Variants in DCDC1 observed in about 807,000 individuals in gnomAD.
The protein encoded by DCDC1 is doublecortin domain containing 1.
A neutral mutation model predicts 178.3 loss-of-function variants in DCDC1; 200 were observed. That is an observed-to-expected ratio of 1.12 (90% CI 1.00 to 1.26). The LOEUF (loss-of-function observed/expected upper bound fraction) is 1.26. Ranked by LOEUF, DCDC1 falls within the 50% of genes most tolerant of loss-of-function variation. The pLI is 0.00. For synonymous variants in DCDC1, 690 were observed against 604.8 expected (o/e 1.14, Z -2.07); for missense variants, 1,983 against 1,749.2 (o/e 1.13, Z -2.38).
chr11:31,025,821 C>G (rs2135239338), intron 20 of DCDC1, among the ~76,000 whole-genome samples: 1 of 151,812 alleles, frequency 6.6e-6, no homozygotes, highest in East Asian at 1.9e-4. Context: ...AAGCATTCAT[C>G]TCACAGATGA....
At chr11:31,166,471 A>C (rs1009330136) in intron 9 of DCDC1, among the ~76,000 whole-genome samples, 1 of 152,228 alleles carries the variant, frequency 6.6e-6, no homozygotes, top group Admixed American at 6.5e-5. Flanking sequence ...AATATTTACA[A>C]GGTTGGGGAA....
chr11:30,880,798 C>T (rs146331969), intron 37 of DCDC1, among the ~76,000 whole-genome samples: 6 of 152,074 alleles, frequency 3.9e-5, no homozygotes, highest in Non-Finnish European at 7.4e-5. Flanking sequence ...CACATAATTA[C>T]TATTAATAAA....
chr11:31,331,191 T>C (rs924740304), intron 2 of DCDC1, among the ~76,000 whole-genome samples: 7 of 151,786 alleles, frequency 4.6e-5, no homozygotes, highest in South Asian at 2.1e-4. Flanking sequence ...CTCTTTGTTA[T>C]TGGTGTATAA....
chr11:31,077,872 T>G lies in DCDC1; in HGVS notation c.2291A>C (p.Tyr764Ser). The G allele has an allele frequency of 1.3e-6, 1 of 766,228 alleles. No homozygotes were observed. The highest frequency in any genetic ancestry group is 2.4e-6 in the Non-Finnish European group (1 of 417,758). The allele number at this position is 766,228 out of a possible 1,614,324, so 47.5% of individuals were successfully genotyped here. ...GGATTATAAAGTCCTTACCTTTGAA[T>G]AAATGCAACCATCAGTTCCAAACAC... is the stretch of plus-strand genomic sequence containing the variant. ...KWVFGTDGCI[Y>S]SKAYPQFVLT... The change falls in exon 18 of 39, where the codon TAT becomes TCT. Residue 764 changes from tyrosine (Y) to serine (S), a missense_variant. By Grantham distance (144) the Tyr-to-Ser change is moderately radical. Transcript: ENST00000684477.
chr11:31,188,229 A>C (rs1969736432), intron 9 of DCDC1, among the ~76,000 whole-genome samples: 1 of 152,172 alleles, frequency 6.6e-6, no homozygotes, highest in African/African-American at 2.4e-5. Flanking sequence ...CTACAACAAC[A>C]GAGATAGTAA....
At chr11:30,956,222 G>T (rs960851219) in intron 20 of DCDC1, among the ~76,000 whole-genome samples, 5 of 152,084 alleles carry the variant, frequency 3.3e-5, no homozygotes, top group African/African-American at 4.8e-5. Flanking sequence ...TTTTTATTGA[G>T]ATGGGGTGTA....
At chr11:31,286,018 A>G (rs1374308313) in intron 7 of DCDC1, among the ~76,000 whole-genome samples, 2 of 152,148 alleles carry the variant, frequency 1.3e-5, no homozygotes, top group African/African-American at 4.8e-5. Flanking sequence ...TGAGAAGTAC[A>G]GGAGAACAAG....
chr11:30,873,360 T>TAC (rs1318294592), intron 38 of DCDC1, among the ~76,000 whole-genome samples: 1 of 138,660 alleles, frequency 7.2e-6, no homozygotes, highest in South Asian at 2.3e-4. Context: ...TATATATATA[T>TAC]ATATAGAGAG....
chr11:30,941,104 C>G (rs1462783402), intron 21 of DCDC1, among the ~76,000 whole-genome samples: 1 of 152,122 alleles, frequency 6.6e-6, no homozygotes, highest in African/African-American at 2.4e-5. Flanking sequence ...TAGACTATAT[C>G]AAGGACCCTA....
At chr11:31,090,571 G>T (rs1368327384) in intron 17 of DCDC1, among the ~76,000 whole-genome samples, 3 of 152,158 alleles carry the variant, frequency 2.0e-5, no homozygotes, top group Non-Finnish European at 4.4e-5. Context: ...GTTAGAGTAA[G>T]CAGTGCAGAC....
At chr11:31,222,686 CT>C (rs1362294117) in intron 9 of DCDC1, among the ~76,000 whole-genome samples, 1 of 152,156 alleles carries the variant, frequency 6.6e-6, no homozygotes, top group African/African-American at 2.4e-5. Flanking sequence ...TGAGGAGTCT[CT>C]GAGGGCTCTC....
At chr11:31,130,839 G>T (rs891490682) in intron 10 of DCDC1, among the ~76,000 whole-genome samples, 1 of 152,056 alleles carries the variant, frequency 6.6e-6, no homozygotes, top group Non-Finnish European at 1.5e-5. Context: ...ACAATACAGG[G>T]AGGTCAGGAG....
chr11:31,073,085 T>C (rs558630591), intron 18 of DCDC1, among the ~76,000 whole-genome samples: 2 of 152,290 alleles, frequency 1.3e-5, no homozygotes, highest in Non-Finnish European at 2.9e-5. Flanking sequence ...GTTTTGAATA[T>C]GACTAAATTT....
At chr11:31,218,960 C>T (rs1254025898) in intron 9 of DCDC1, among the ~76,000 whole-genome samples, 2 of 152,094 alleles carry the variant, frequency 1.3e-5, no homozygotes, top group Non-Finnish European at 2.9e-5. Flanking sequence ...AGTAATGAGG[C>T]TGATTCTCAT....
chr11:30,895,519 A>G (rs750396689), intron 34 of DCDC1, among the ~76,000 whole-genome samples: 9 of 152,200 alleles, frequency 5.9e-5, no homozygotes, highest in Non-Finnish European at 1.0e-4. Context: ...CATGACTCAA[A>G]CAAAACTGAA....
intron 20 of DCDC1, among the ~76,000 whole-genome samples, chr11:30,967,771 A>C (rs1032987963): frequency 1.3e-5 from 2 of 152,180 alleles, no homozygotes; most frequent in African/African-American, 4.8e-5. Context: ...AAGTCTATAG[A>C]TAGTCTATTA....
At chr11:31,056,243 C>G (rs183380631) in intron 20 of DCDC1, among the ~76,000 whole-genome samples, 2 of 151,902 alleles carry the variant, frequency 1.3e-5, no homozygotes, top group African/African-American at 4.8e-5. Flanking sequence ...AATTAAATAA[C>G]ATAAAATAAT....
intron 2 of DCDC1, 68 bp from the exon 3 acceptor site, chr11:31,328,354 G>A: frequency 1.4e-6 from 2 of 1,424,802 alleles, no homozygotes; most frequent in African/African-American, 1.4e-5. Flanking sequence ...ATAGAGGCTG[G>A]GCATTAAACA....
At chr11:31,066,502 G>C (rs1956257373) in intron 18 of DCDC1, among the ~76,000 whole-genome samples, 1 of 152,128 alleles carries the variant, frequency 6.6e-6, no homozygotes, top group Admixed American at 6.6e-5. Flanking sequence ...AATTATGAGG[G>C]AGTGTTGAGT....
Sources: gnomAD v4.1 joint callset for allele counts (sites outside exome capture counted in the v4.1 genomes callset) on GRCh38, gnomAD v4.1.1 for gene constraint, MANE v1.5 for transcripts, NCBI Gene and HGNC (gene_info 2026-07-23, HGNC 2026-07-21) for gene names.